WWOX: variants seen among roughly 807,000 people sequenced by gnomAD.
WWOX encodes WW domain containing oxidoreductase.
A neutral mutation model predicts 46.2 loss-of-function variants in WWOX; 69 were observed. That is an observed-to-expected ratio of 1.49 (90% CI 1.23 to 1.82). WWOX has a LOEUF of 1.82. Among genes scored for constraint, WWOX ranks in the 40% most tolerant of loss-of-function variants. The probability of loss-of-function intolerance (pLI) is 0.00; values close to 1 mark genes in which losing one functional copy is unlikely to be tolerated. For missense variants in WWOX, 919 were observed against 542.6 expected (o/e 1.69, Z -6.89); for synonymous variants, 359 against 202.6 (o/e 1.77, Z -6.56).
chr16:78,742,553 C>A (rs141825644), intron 8 of WWOX, among the ~76,000 whole-genome samples: 1 of 152,302 alleles, frequency 6.6e-6, no homozygotes, highest in Admixed American at 6.5e-5. Context: ...ACTCAAATGA[C>A]AAATCAGTTT....
At chr16:79,091,702 C>G (rs927410916) in intron 8 of WWOX, among the ~76,000 whole-genome samples, 12 of 151,600 alleles carry the variant, frequency 7.9e-5, no homozygotes, top group African/African-American at 2.9e-4. Context: ...CGCCTAAGGA[C>G]TTTGCTAGAT....
At chr16:79,182,441 C>T (rs1317050573) in intron 8 of WWOX, among the ~76,000 whole-genome samples, 4 of 151,990 alleles carry the variant, frequency 2.6e-5, no homozygotes, top group African/African-American at 9.7e-5. Context: ...AAATATGTGC[C>T]ATCTTTGTTT....
intron 8 of WWOX, among the ~76,000 whole-genome samples, chr16:78,859,380 G>C (rs976532458): frequency 6.6e-6 from 1 of 152,010 alleles, no homozygotes. Context: ...TTCCAGAAAA[G>C]AGCAGAGGTA....
rs1260022493 is a variant in WWOX at position 79,066,241 on chromosome 16, A to G, written c.1057-145367A>G. On this transcript the variant is annotated intron_variant, in intron 8 of 8. Transcript: ENST00000566780. ...TTCCAGAGAGGCCTCCCTTAAGCCC[A>G]CCTTCCATACCTCCTCTGGTTATCC... Among the ~76,000 whole-genome samples the G allele has an allele frequency of 2.6e-5, 4 of 151,894 alleles. No individual in the cohort carries two copies. In the South Asian group the frequency reaches 8.3e-4, roughly 32 times the overall value.
chr16:78,515,533 C>A (rs541978070), intron 8 of WWOX, among the ~76,000 whole-genome samples: 2 of 152,262 alleles, frequency 1.3e-5, no homozygotes, highest in African/African-American at 4.8e-5. Context: ...AGGTGACTTG[C>A]ATGTTGTCTA....
At chr16:79,039,446 C>G (rs563952351) in intron 8 of WWOX, among the ~76,000 whole-genome samples, 2 of 152,136 alleles carry the variant, frequency 1.3e-5, no homozygotes, top group Non-Finnish European at 2.9e-5. Flanking sequence ...GCAGCTTCCT[C>G]CTGGGCACAG....
At chr16:78,501,451 T>G (rs113324930) in intron 8 of WWOX, among the ~76,000 whole-genome samples, 1 of 152,064 alleles carries the variant, frequency 6.6e-6, no homozygotes, top group African/African-American at 2.4e-5. Flanking sequence ...AGCTTTTCTT[T>G]AAAGTTCCAA....
At chr16:78,540,608 C>T (rs781263896) in intron 8 of WWOX, among the ~76,000 whole-genome samples, 4 of 152,180 alleles carry the variant, frequency 2.6e-5, no homozygotes, top group Non-Finnish European at 5.9e-5. Flanking sequence ...GGAGTGGTTA[C>T]ACCCTGGGCT....
At chr16:79,089,918 C>G (rs566410477) in intron 8 of WWOX, 2 of 150,922 alleles carry the variant, frequency 1.3e-5, no homozygotes, top group Admixed American at 6.6e-5. Flanking sequence ...GAGTGAAAAA[C>G]CCAACTGCGA....
intron 8 of WWOX, among the ~76,000 whole-genome samples, chr16:78,536,320 G>A (rs1275959559): frequency 2.0e-5 from 3 of 151,954 alleles, no homozygotes; most frequent in African/African-American, 7.3e-5. Context: ...GAAGGCATGA[G>A]GACTGTATCC....
At chr16:78,635,194 T>C (rs1051704299) in intron 8 of WWOX, among the ~76,000 whole-genome samples, 4 of 152,138 alleles carry the variant, frequency 2.6e-5, no homozygotes, top group Non-Finnish European at 5.9e-5. Flanking sequence ...TGACTCAGGA[T>C]TTGCTGGGGT....
chr16:78,974,835 A>G (rs868791692), intron 8 of WWOX, among the ~76,000 whole-genome samples: 2 of 152,146 alleles, frequency 1.3e-5, no homozygotes, highest in African/African-American at 4.8e-5. Context: ...CGGGAAGCAG[A>G]GGCAATTTAT....
intron 8 of WWOX, among the ~76,000 whole-genome samples, chr16:78,757,335 C>T (rs998684678): frequency 1.3e-4 from 19 of 151,984 alleles, no homozygotes; most frequent in Non-Finnish European, 1.0e-4. Context: ...TACCCCAGCA[C>T]CCCAGCACCC....
chr16:78,263,102 A>G (rs1233879364), intron 5 of WWOX, among the ~76,000 whole-genome samples: 1 of 152,116 alleles, frequency 6.6e-6, no homozygotes, highest in Non-Finnish European at 1.5e-5. Context: ...GCTGGGGGAA[A>G]CATGGTGCGT....
chr16:78,367,043 G>C (rs1324523782), intron 5 of WWOX, among the ~76,000 whole-genome samples: 1 of 131,752 alleles, frequency 7.6e-6, no homozygotes, highest in Non-Finnish European at 1.5e-5. Context: ...GCAGTGGTGT[G>C]ATTTCAGCTC....
At chr16:78,206,919 C>T (rs927834298) in intron 5 of WWOX, among the ~76,000 whole-genome samples, 2 of 152,154 alleles carry the variant, frequency 1.3e-5, no homozygotes, top group African/African-American at 2.4e-5. Flanking sequence ...GATACCTCTC[C>T]CTTACTGATA....
chr16:79,052,943 C>G lies in WWOX; in HGVS notation c.1057-158665C>G, dbSNP rs146086378. Reference sequence around the variant, plus strand: ...GTTGATCTCACTGATTCATGGGGACCCTGGGAGTATGTTTGTGTATTTGGG... The same window carrying G: ...GTTGATCTCACTGATTCATGGGGACGCTGGGAGTATGTTTGTGTATTTGGG... On this transcript the variant is annotated intron_variant, in intron 8 of 8. Transcript: ENST00000566780. Among the ~76,000 whole-genome samples the G allele has an allele frequency of 1.1e-3, 130 of 116,846 alleles. 1 individual carries two copies. The East Asian group carries it at 0.033, about 29-fold the overall frequency. The allele number at this position is 116,846 out of a possible 152,430, so 76.7% of individuals were successfully genotyped here. A position where few individuals can be genotyped will look rare whatever the true frequency, so the allele number is the denominator to read the frequency against.
chr16:78,854,167 A>G (rs556135442), intron 8 of WWOX, among the ~76,000 whole-genome samples: 1 of 152,290 alleles, frequency 6.6e-6, no homozygotes, highest in Middle Eastern at 3.4e-3. Context: ...TTTCTCAATT[A>G]AAATAATAAT....
intron 8 of WWOX, among the ~76,000 whole-genome samples, chr16:78,883,874 ATAATT>A (rs1205962045): frequency 1.3e-5 from 2 of 152,178 alleles, no homozygotes; most frequent in Non-Finnish European, 1.5e-5. Flanking sequence ...AACTAAAAAG[ATAATT>A]TAAAGGGAAA....
Sources: allele counts gnomAD v4.1 joint callset (sites outside exome capture counted in the v4.1 genomes callset), GRCh38; gene constraint gnomAD v4.1.1; transcripts MANE v1.5; gene names NCBI Gene and HGNC (gene_info 2026-07-23, HGNC 2026-07-21).